COL5A1: variants seen among roughly 807,000 people sequenced by gnomAD.
COL5A1 encodes the protein collagen type V alpha 1 chain.
COL5A1 carries 16 observed loss-of-function variants against 263.7 expected under a neutral mutation model. The observed-to-expected ratio is 0.06, with a 90% CI of 0.04 to 0.09. COL5A1 has a LOEUF of 0.09. COL5A1 is among the 10% of genes least tolerant of loss of function. The pLI, the probability that COL5A1 is intolerant of heterozygous loss-of-function variation, is 1.00. For synonymous variants in COL5A1, 1,012 were observed against 1,004.5 expected, an observed-to-expected ratio of 1.01 and a Z score of -0.14; for missense variants, 2,036 against 2,540.5, an observed-to-expected ratio of 0.80 and a Z score of 4.27.
chr9:134,773,802 C>T (rs560591911), intron 26 of COL5A1, among the ~76,000 whole-genome samples: 1 of 152,340 alleles, frequency 6.6e-6, no homozygotes, highest in Non-Finnish European at 1.5e-5. Flanking sequence ...CAACGTGCTG[C>T]CTCTGAGACC....
chr9:134,802,977 T>A lies in COL5A1; in HGVS notation c.3096T>A (p.Ala1032=), dbSNP rs140590510. 1 of 1,606,364 alleles carries A rather than the reference T, an allele frequency of 6.2e-7. No individual in the cohort carries two copies. The highest frequency in any genetic ancestry group is 1.3e-5 in the African/African-American group (1 of 74,892). Reference sequence around the variant, plus strand: ...GTGAACAGGGGCTTCCGGGCCTTGCTGGAAAAGAAGGGACGAAGGTGAGTT... The same window carrying A: ...GTGAACAGGGGCTTCCGGGCCTTGCAGGAAAAGAAGGGACGAAGGTGAGTT... ...PPGEQGLPGL[A]GKEGTKGDPG... Residue 1032 remains alanine (A), a synonymous_variant, in exon 39 of 66, where the codon GCT becomes GCA. Transcript: ENST00000371817.
rs1179032146 is a variant in COL5A1, at chr9:134,652,026, T to C, written c.109+9730T>C. On this transcript the variant is annotated intron_variant, in intron 1 of 65. Coordinates refer to ENST00000371817, the MANE Select transcript of COL5A1 (RefSeq NM_000093.5). The surrounding 1 kb of genome is among the most constrained non-coding windows in gnomAD (Gnocchi z 4.4). The stretch of plus-strand genomic sequence containing the variant: ...AAGGAGGGATGGTGACTCCCAGAGG[T>C]ATTAAGGAAAGGAGAAAGTGACACT... Among the ~76,000 whole-genome samples the C allele has an allele frequency of 2.0e-5, 3 of 151,862 alleles. No homozygotes were observed. The highest frequency in any genetic ancestry group is 4.4e-5 in the Non-Finnish European group (3 of 67,980).
chr9:134,713,174 A>C (rs3128580), intron 4 of COL5A1, among the ~76,000 whole-genome samples: 77,407 of 152,192 alleles, frequency 0.51, 20,105 homozygotes, highest in Admixed American at 0.64. Context: ...AGTGAGTTTT[A>C]CCCTAGAGGC....
intron 57 of COL5A1, 119 bp downstream of exon 57, chr9:134,819,172 G>C (rs149482887): frequency 9.1e-7 from 1 of 1,093,304 alleles, no homozygotes; most frequent in Non-Finnish European, 1.4e-6. Flanking sequence ...ACCTGCTGCA[G>C]GCTGGTGGTG....
At chr9:134,831,790 C>G (rs776938189) in intron 64 of COL5A1, among the ~76,000 whole-genome samples, 1 of 152,216 alleles carries the variant, frequency 6.6e-6, no homozygotes, top group Non-Finnish European at 1.5e-5. Context: ...TCATTTGCAG[C>G]CTTCAGCCCG....
intron 18 of COL5A1, among the ~76,000 whole-genome samples, chr9:134,759,940 C>A (rs1483980131): frequency 7.8e-6 from 1 of 128,488 alleles, no homozygotes; most frequent in Non-Finnish European, 1.6e-5. Flanking sequence ...CACACGCATA[C>A]ATACCCCCAC....
rs1014550455 is a variant in COL5A1, at chr9:134,822,045, G to A, written c.4555-52G>A. 5.5e-5 allele frequency: 85 copies of A among 1,538,428 alleles called. No individual in the cohort carries two copies. In the African/African-American group the frequency reaches 5.7e-4, roughly 10 times the overall value. ...GGCTGGGTAGCAGGGTTGCAGCCCC[G>A]CAGCTCCTCCTCGTCTGAAGGTGAT... On this transcript the variant is annotated intron_variant, in intron 58 of 65. Transcript: ENST00000371817.
chr9:134,758,219 G>C lies in COL5A1; in HGVS notation c.1882-24G>C, dbSNP rs1836057446. 6.8e-6 allele frequency: 11 copies of C among 1,613,880 alleles called. No homozygotes were observed. The highest frequency in any genetic ancestry group is 8.5e-6 in the Non-Finnish European group (10 of 1,179,960). On this transcript the variant is annotated intron_variant, in intron 17 of 65. Transcript: ENST00000371817. This position sits in a 1 kb window ranked among gnomAD's most constrained non-coding sequence, Gnocchi z 4.1. ...CCACGTGTGCAGGGTGGCGTCTGAG[G>C]CAGCCTTTCTGTCCTTTTTGCAGGG...
At chr9:134,734,562 C>T (rs1835027256) in intron 9 of COL5A1, among the ~76,000 whole-genome samples, 6 of 152,270 alleles carry the variant, frequency 3.9e-5, no homozygotes, top group Admixed American at 3.9e-4. Flanking sequence ...TTGTCTGCCC[C>T]ACCTGAGCTC....
At chr9:134,728,420 T>C (rs908912920) in intron 5 of COL5A1, among the ~76,000 whole-genome samples, 6 of 152,234 alleles carry the variant, frequency 3.9e-5, no homozygotes, top group Admixed American at 6.5e-5. Flanking sequence ...TGAGGGCTCA[T>C]CTTTCTCTGA....
intron 59 of COL5A1, among the ~76,000 whole-genome samples, chr9:134,822,739 G>C (rs1221230396): frequency 2.0e-5 from 3 of 149,608 alleles, no homozygotes; most frequent in Admixed American, 2.0e-4. Context: ...GCGGCTGTCT[G>C]AGCTGGGGTT....
intron 30 of COL5A1, 51 bp from the exon 31 acceptor site, chr9:134,785,944 C>A: frequency 6.5e-7 from 1 of 1,529,526 alleles, no homozygotes; most frequent in Non-Finnish European, 9.0e-7. Context: ...TCCGGGGAAA[C>A]GGATGGAGCA....
chr9:134,813,838 G>T, intron 48 of COL5A1, 145 bp from the exon 49 acceptor site: 1 of 777,654 alleles, frequency 1.3e-6, no homozygotes, highest in Non-Finnish European at 2.2e-6. Flanking sequence ...GGAGTGTGTG[G>T]GGACAGCACT....
rs777553372 is a variant in COL5A1, at chr9:134,789,227, C to G, written c.2700+19C>G. 1 of 1,610,002 alleles carries G rather than the reference C, an allele frequency of 6.2e-7. No homozygotes were observed. The highest frequency in any genetic ancestry group is 8.5e-7 in the Non-Finnish European group (1 of 1,177,728). On this transcript the variant is annotated intron_variant, in intron 32 of 65. Transcript: ENST00000371817. The surrounding 1 kb of genome is among the most constrained non-coding windows in gnomAD (Gnocchi z 4.8). ...CGGCAGGGTAAGGATAGCCTGGCCC[C>G]TGGGCAGGCAGCTTGTTCGGCTGCC...
At chr9:134,775,923 G>A (rs904732794) in intron 27 of COL5A1, among the ~76,000 whole-genome samples, 1 of 152,184 alleles carries the variant, frequency 6.6e-6, no homozygotes, top group African/African-American at 2.4e-5. Context: ...ACTGTCGTCT[G>A]CTCCGAATCA....
chr9:134,738,600 G>A (rs1588488368), intron 10 of COL5A1, 85 bp downstream of exon 10: 2 of 1,575,296 alleles, frequency 1.3e-6, no homozygotes, highest in Non-Finnish European at 1.7e-6. Context: ...CTCCTGGATG[G>A]AAAAGAGGGG....
In COL5A1 at chr9:134,671,874, A is replaced by G. The variant is rs886151532; in HGVS notation, c.110-19038A>G. On this transcript the variant is annotated intron_variant, in intron 1 of 65. Coordinates refer to ENST00000371817, the MANE Select transcript of COL5A1 (RefSeq NM_000093.5). ...CCGATGCCAGGGCTGGGGAAGAACA[A>G]TGAGCCAACAGGCGCGTTTGTCTTT... 3.3e-5 allele frequency among the ~76,000 whole-genome samples: 5 copies of G among 152,368 alleles called. No individual in the cohort carries two copies. In the East Asian group the frequency reaches 9.6e-4, roughly 29 times the overall value.
Position 134,744,657 on chromosome 9 carries a change from G to A in COL5A1, c.1494+5849G>A, listed in dbSNP as rs192213584. The stretch of plus-strand genomic sequence containing the variant: ...CTCACCCAGACATGCACACAGGTAC[G>A]CTCACACACATGCACACACATTCAC... On this transcript the variant is annotated intron_variant, in intron 11 of 65. Coordinates refer to ENST00000371817, the MANE Select transcript of COL5A1 (RefSeq NM_000093.5). 1.5e-3 allele frequency among the ~76,000 whole-genome samples: 192 copies of A among 130,050 alleles called. 1 individual carries two copies. The Middle Eastern group carries it at 0.037, about 25-fold the overall frequency. The allele number at this position is 130,050 out of a possible 152,430, so 85.3% of individuals were successfully genotyped here. A position where few individuals can be genotyped will look rare whatever the true frequency, so the allele number is the denominator to read the frequency against.
chr9:134,642,877 A>G lies in COL5A1; in HGVS notation c.109+581A>G, dbSNP rs2132456361. Among the ~76,000 whole-genome samples the G allele has an allele frequency of 6.6e-6, 1 of 152,292 alleles. No individual in the cohort carries two copies. Among genetic ancestry groups the G allele is most frequent in the South Asian group, 2.1e-4 (1 of 4,822 alleles). On this transcript the variant is annotated intron_variant, in intron 1 of 65. Coordinates refer to ENST00000371817, the MANE Select transcript of COL5A1 (RefSeq NM_000093.5). This position sits in a 1 kb window ranked among gnomAD's most constrained non-coding sequence, Gnocchi z 4.5. ...CTTGGTCACCTAAGTGTTCGGGGGC[A>G]CTGGGGACCCCTGCAGGGTGGTAGA...
Sources: gnomAD v4.1 joint callset for allele counts (sites outside exome capture counted in the v4.1 genomes callset) on GRCh38, gnomAD v4.1.1 for gene constraint, Gnocchi (gnomAD v3.1) non-coding constraint, MANE v1.5 for transcripts, NCBI Gene and HGNC (gene_info 2026-07-23, HGNC 2026-07-21) for gene names.